The following STK32C variants were observed in gnomAD, a reference collection of about 807,000 sequenced individuals.
STK32C encodes the protein serine/threonine-protein kinase 32C.
Under a neutral mutation model 56.5 loss-of-function variants are expected in STK32C, and 31 were observed. The ratio of observed to expected loss-of-function variants is 0.55; its 90% CI spans 0.41 to 0.74. The LOEUF (loss-of-function observed/expected upper bound fraction) is 0.74. Ranked by LOEUF, STK32C falls within the 30% of genes least tolerant of loss-of-function variation. STK32C has a pLI of 0.00. For synonymous variants in STK32C, 309 were observed against 289.4 expected (o/e 1.07, Z -0.69); for missense variants, 544 against 676.9 (o/e 0.80, Z 2.18).
chr10:132,273,802 G>A (rs1431565497), intron 1 of STK32C, among the ~76,000 whole-genome samples: 1 of 152,060 alleles, frequency 6.6e-6, no homozygotes, highest in Non-Finnish European at 1.5e-5. Flanking sequence ...CATGGTGAGT[G>A]AATGAGGTGA....
intron 1 of STK32C, among the ~76,000 whole-genome samples, chr10:132,268,276 GCT>G (rs1293297738): frequency 1.5e-5 from 2 of 129,772 alleles, no homozygotes; most frequent in South Asian, 2.6e-4. Context: ...TGCAGGTTCA[GCT>G]CTATGCCTGT....
At chr10:132,270,287 G>A (rs1162553059) in intron 1 of STK32C, among the ~76,000 whole-genome samples, 1 of 152,254 alleles carries the variant, frequency 6.6e-6, no homozygotes, top group Non-Finnish European at 1.5e-5. Context: ...TGGGACTCCT[G>A]AATTATCCAG....
intron 1 of STK32C, among the ~76,000 whole-genome samples, chr10:132,325,414 G>A (rs530420274): frequency 1.4e-4 from 21 of 152,086 alleles, no homozygotes; most frequent in Non-Finnish European, 2.2e-4. Flanking sequence ...TTAGCCAGGC[G>A]TGGTGGCGGG....
chr10:132,300,621 A>G lies in STK32C; in HGVS notation c.262+6951T>C, dbSNP rs552220120. Among the ~76,000 whole-genome samples, 4 of 152,384 alleles carry G rather than the reference A, an allele frequency of 2.6e-5. No homozygotes were observed. The East Asian group carries it at 7.7e-4, about 29-fold the overall frequency. ...TTATAGCTTTCCCCAAACTGTCTCAAGTTCTGATCTTTATCATCAATCAGC... is the reference window on the plus strand; with the variant it reads ...TTATAGCTTTCCCCAAACTGTCTCAGGTTCTGATCTTTATCATCAATCAGC... On this transcript the variant is annotated intron_variant, in intron 1 of 11. Coordinates refer to ENST00000298630, the MANE Select transcript of STK32C (RefSeq NM_173575.4).
chr10:132,231,547 C>T lies in STK32C; in HGVS notation c.319-3419G>A, dbSNP rs79527260. On this transcript the variant is annotated intron_variant, in intron 2 of 11. Transcript: ENST00000298630. ...GCCTCCCTGGAGACCCTGGTGGAAA[C>T]GCCTCGATCCCTCACAGCAGGCCCG... Among the ~76,000 whole-genome samples, 624 of 152,326 alleles carry T rather than the reference C, an allele frequency of 4.1e-3. 7 individuals carry two copies. Among genetic ancestry groups the T allele is most frequent in the African/African-American group, 0.014 (581 of 41,582 alleles).
chr10:132,300,352 A>G (rs1364302241), intron 1 of STK32C, among the ~76,000 whole-genome samples: 1 of 152,150 alleles, frequency 6.6e-6, no homozygotes, highest in East Asian at 1.9e-4. Context: ...CGGAGCCCAG[A>G]AGGAAGCATG....
chr10:132,321,267 C>T (rs1053217256), downstream of STK32C, among the ~76,000 whole-genome samples: 1 of 152,212 alleles, frequency 6.6e-6, no homozygotes, highest in Non-Finnish European at 1.5e-5. Flanking sequence ...GCATCTGTGG[C>T]CCAGAGCCAA....
chr10:132,225,135 G>A (rs371576705), intron 7 of STK32C, 98 bp downstream of exon 7: 290 of 892,624 alleles, frequency 3.2e-4, no homozygotes, highest in African/African-American at 1.2e-3. Context: ...ACATCCCTGC[G>A]CACCTGGACA....
At chr10:132,304,412 T>C (rs2065998147) in intron 1 of STK32C, among the ~76,000 whole-genome samples, 1 of 152,146 alleles carries the variant, frequency 6.6e-6, no homozygotes, top group African/African-American at 2.4e-5. Flanking sequence ...AGTGAATGAC[T>C]CGGGTCCACA....
At chr10:132,295,220 C>T (rs1473374617) in intron 1 of STK32C, among the ~76,000 whole-genome samples, 1 of 152,208 alleles carries the variant, frequency 6.6e-6, no homozygotes, top group Admixed American at 6.5e-5. Context: ...CCCCCCAGAG[C>T]AAGGAGCACA....
At chr10:132,303,864 C>A (rs551218916) in intron 1 of STK32C, among the ~76,000 whole-genome samples, 3 of 152,198 alleles carry the variant, frequency 2.0e-5, no homozygotes, top group African/African-American at 7.2e-5. Context: ...CCGCCAGCTC[C>A]GCTGGCAGCA....
chr10:132,326,388 G>A (rs1417828667), intron 1 of STK32C, among the ~76,000 whole-genome samples: 1 of 152,246 alleles, frequency 6.6e-6, no homozygotes, highest in African/African-American at 2.4e-5. Flanking sequence ...CTGGAGTGCA[G>A]TGGTGTGATG....
intron 1 of STK32C, among the ~76,000 whole-genome samples, chr10:132,280,681 CACCTCCACTCCGTGATCATGA>C (rs1392462042): frequency 6.1e-4 from 51 of 83,324 alleles, no homozygotes; most frequent in African/African-American, 1.9e-3. Context: ...CGTGATCACG[CACCTCCACTCCGTGATCATGA>C]ACCTCCACTC....
chr10:132,294,829 C>T (rs1302401990), intron 1 of STK32C, among the ~76,000 whole-genome samples: 2 of 152,150 alleles, frequency 1.3e-5, no homozygotes, highest in Non-Finnish European at 1.5e-5. Flanking sequence ...TCCCCTTCCC[C>T]GGAAGTCCTG....
rs373798624 is a variant in STK32C at position 132,226,656 on chromosome 10, G to A, written c.644+139C>T. 146 of 994,448 alleles carry A rather than the reference G, an allele frequency of 1.5e-4. 1 individual carries two copies. The African/African-American group carries it at 1.5e-3, about 10-fold the overall frequency. The allele number at this position is 994,448 out of a possible 1,614,324, so 61.6% of individuals were successfully genotyped here. On this transcript the variant is annotated intron_variant, in intron 4 of 11. Transcript: ENST00000298630. Reference sequence around the variant, plus strand: ...GTCGGCACAGGTGCCACAGCTGGGGGCAGGCACTCAGGCAAGGGTGGGGCA... The same window carrying A: ...GTCGGCACAGGTGCCACAGCTGGGGACAGGCACTCAGGCAAGGGTGGGGCA...
At chr10:132,326,794 T>G (rs1369201254) in intron 1 of STK32C, among the ~76,000 whole-genome samples, 2 of 152,230 alleles carry the variant, frequency 1.3e-5, no homozygotes, top group East Asian at 3.8e-4. Flanking sequence ...AGTCCTCCAC[T>G]GCTGGTCATG....
At chr10:132,223,708 G>A (rs1305842379) in intron 8 of STK32C, among the ~76,000 whole-genome samples, 1 of 152,182 alleles carries the variant, frequency 6.6e-6, no homozygotes, top group African/African-American at 2.4e-5. Flanking sequence ...AGGGCAGGAG[G>A]CCCCACCTGC....
chr10:132,261,469 G>A (rs373122534), intron 1 of STK32C, among the ~76,000 whole-genome samples: 5 of 152,230 alleles, frequency 3.3e-5, no homozygotes, highest in African/African-American at 9.6e-5. Context: ...AAAATACTGC[G>A]GATAGAAATC....
chr10:132,257,711 C>T (rs114437201), intron 1 of STK32C, among the ~76,000 whole-genome samples: 1 of 151,042 alleles, frequency 6.6e-6, no homozygotes, highest in Non-Finnish European at 1.5e-5. Context: ...AGGCCTGACA[C>T]CCCCACAATC....
Sources: allele counts gnomAD v4.1 joint callset (sites outside exome capture counted in the v4.1 genomes callset), GRCh38; gene constraint gnomAD v4.1.1; transcripts MANE v1.5; gene names NCBI Gene and HGNC (gene_info 2026-07-23, HGNC 2026-07-21).